APBB2: variants seen among roughly 807,000 people sequenced by gnomAD.
APBB2 encodes the protein Fe65-like 1.
Under a neutral mutation model 82.5 loss-of-function variants are expected in APBB2, and 38 were observed. The ratio of observed to expected loss-of-function variants is 0.46; its 90% CI spans 0.36 to 0.60. APBB2 has a LOEUF of 0.60. APBB2 is among the 20% of genes least tolerant of loss of function. The pLI is 0.00. For missense variants in APBB2, 772 were observed against 972.3 expected (o/e 0.79, Z 2.74); for synonymous variants, 341 against 368.2 (o/e 0.93, Z 0.85).
chr4:40,923,685 G>A (rs1273018215), intron 10 of APBB2, among the ~76,000 whole-genome samples: 4 of 152,210 alleles, frequency 2.6e-5, no homozygotes, highest in Non-Finnish European at 5.9e-5. Flanking sequence ...AGGGGAAGAG[G>A]GAAGTCTGCC....
At chr4:40,971,480 C>T (rs752560552) in intron 6 of APBB2, among the ~76,000 whole-genome samples, 9 of 152,186 alleles carry the variant, frequency 5.9e-5, no homozygotes, top group Non-Finnish European at 1.2e-4. Context: ...TATGCAGAAG[C>T]AGGAGGAGCT....
intron 10 of APBB2, among the ~76,000 whole-genome samples, chr4:40,910,240 C>CT (rs1259297903): frequency 5.3e-5 from 8 of 151,194 alleles, no homozygotes; most frequent in East Asian, 3.9e-4. Context: ...GTGCACTAGT[C>CT]TTTTTTTTAA....
chr4:40,995,513 T>C (rs1579093248), intron 6 of APBB2, among the ~76,000 whole-genome samples: 1 of 151,828 alleles, frequency 6.6e-6, no homozygotes, highest in Non-Finnish European at 1.5e-5. Context: ...CACAGGTATG[T>C]GCCACTATAT....
At chr4:41,048,378 C>A (rs1283044729) in intron 4 of APBB2, among the ~76,000 whole-genome samples, 1 of 152,178 alleles carries the variant, frequency 6.6e-6, no homozygotes, top group East Asian at 1.9e-4. Context: ...GAGACACTCA[C>A]CCCGTAACTG....
chr4:41,104,376 G>A (rs1402496689), intron 2 of APBB2, among the ~76,000 whole-genome samples: 3 of 152,134 alleles, frequency 2.0e-5, no homozygotes, highest in African/African-American at 7.2e-5. Flanking sequence ...AGGATATACA[G>A]GAATCAAGGG....
chr4:41,201,422 C>A (rs1159882369), intron 1 of APBB2, among the ~76,000 whole-genome samples: 1 of 152,124 alleles, frequency 6.6e-6, no homozygotes, highest in Non-Finnish European at 1.5e-5. Context: ...AATCTGAAAT[C>A]CAAAATGCTC....
intron 6 of APBB2, among the ~76,000 whole-genome samples, chr4:40,989,240 A>G (rs1801329077): frequency 6.6e-6 from 1 of 152,146 alleles, no homozygotes; most frequent in African/African-American, 2.4e-5. Flanking sequence ...CTTGGTGGCA[A>G]AAGGAAAAGC....
chr4:41,180,515 T>A (rs1239500504), intron 1 of APBB2, among the ~76,000 whole-genome samples: 2 of 151,770 alleles, frequency 1.3e-5, no homozygotes, highest in Non-Finnish European at 2.9e-5. Context: ...ATGCGTGTAG[T>A]CCCAACTACT....
intron 4 of APBB2, among the ~76,000 whole-genome samples, chr4:41,052,183 C>T (rs1337910198): frequency 3.3e-5 from 5 of 149,292 alleles, no homozygotes; most frequent in Non-Finnish European, 7.5e-5. Flanking sequence ...GCCTGGGCAA[C>T]ATAGCAAGAC....
Position 40,825,900 on chromosome 4 carries a change from T to G in APBB2, c.1803A>C (p.Val601=). 3.1e-6 allele frequency: 5 copies of G among 1,614,066 alleles called. No individual in the cohort carries two copies. Among genetic ancestry groups the G allele is most frequent in the Non-Finnish European group, 4.2e-6 (5 of 1,179,912 alleles). The part of the protein sequence containing the change: ...FHVQYLGMLP[V]DKPVGMDILN... ...CATTTCACATACCGACTGGTTTGTC[T>G]ACAGGTAACATGCCCAAGTACTGCA... Residue 601 remains valine, a synonymous_variant, in exon 15 of 18, where the codon GTA becomes GTC. Transcript: ENST00000508593.
At chr4:40,962,233 C>A (rs1039572430) in intron 6 of APBB2, among the ~76,000 whole-genome samples, 1 of 152,158 alleles carries the variant, frequency 6.6e-6, no homozygotes, top group African/African-American at 2.4e-5. Context: ...TGTATAGAAA[C>A]TGCCATTTTT....
chr4:41,036,382 A>G (rs1335466924), intron 4 of APBB2, among the ~76,000 whole-genome samples: 3 of 152,204 alleles, frequency 2.0e-5, no homozygotes, highest in Non-Finnish European at 2.9e-5. Context: ...TCCAACTTCT[A>G]TAAAGTTAAG....
Position 41,033,239 on chromosome 4 carries a change from G to C in APBB2, c.16C>G (p.Pro6Ala). ...AATATGAGAAAATGTATCTGACCTG[G>C]AAGTACTTCTGACATGGATCACCAG... MSEVL[P>A]ADSGVDTLAV... Residue 6 changes from proline to alanine, a missense_variant, in exon 5 of 18, where the codon CCA becomes GCA. By Grantham distance (27) the Pro-to-Ala change is conservative. Coordinates refer to ENST00000508593, the MANE Select transcript of APBB2 (RefSeq NM_004307.2). 1 of 1,582,116 alleles carries C rather than the reference G, an allele frequency of 6.3e-7. No homozygotes were observed. Among genetic ancestry groups the C allele is most frequent in the Non-Finnish European group, 8.7e-7 (1 of 1,153,740 alleles).
chr4:41,183,345 C>T (rs558092795), intron 1 of APBB2, among the ~76,000 whole-genome samples: 6 of 152,260 alleles, frequency 3.9e-5, no homozygotes, highest in South Asian at 2.1e-4. Flanking sequence ...AACCCATTGA[C>T]GGCTTTCCAC....
chr4:41,116,585 C>T (rs899590296), intron 2 of APBB2, among the ~76,000 whole-genome samples: 12 of 151,978 alleles, frequency 7.9e-5, no homozygotes, highest in African/African-American at 2.7e-4. Flanking sequence ...GACCCAAGAT[C>T]GCGTCACTGC....
At chr4:40,926,115 CTA>C (rs1782553938) in intron 10 of APBB2, among the ~76,000 whole-genome samples, 1 of 152,248 alleles carries the variant, frequency 6.6e-6, no homozygotes, top group African/African-American at 2.4e-5. Flanking sequence ...CATAGAAAGA[CTA>C]TGTCTACTTC....
At chr4:40,928,791 A>G (rs1381787841) in intron 10 of APBB2, among the ~76,000 whole-genome samples, 1 of 150,310 alleles carries the variant, frequency 6.7e-6, no homozygotes, top group Non-Finnish European at 1.5e-5. Flanking sequence ...AGGCAGGGGC[A>G]GGAGAGTCAC....
intron 4 of APBB2, among the ~76,000 whole-genome samples, chr4:41,055,321 C>T (rs1006154758): frequency 1.3e-5 from 2 of 152,218 alleles, no homozygotes; most frequent in African/African-American, 4.8e-5. Flanking sequence ...ATCTCCTCTA[C>T]TGGAAGGCTT....
chr4:40,934,759 A>G (rs999616387), intron 8 of APBB2, 60 bp from the exon 9 acceptor site: 1 of 1,236,816 alleles, frequency 8.1e-7, no homozygotes, highest in South Asian at 1.2e-5. Flanking sequence ...CATTGCCTCA[A>G]ATATCAAAGG....
Sources: gnomAD v4.1 joint callset for allele counts (sites outside exome capture counted in the v4.1 genomes callset) on GRCh38, gnomAD v4.1.1 for gene constraint, MANE v1.5 for transcripts, NCBI Gene and HGNC (gene_info 2026-07-23, HGNC 2026-07-21) for gene names.